The following FAF1 variants were observed in gnomAD, a reference collection of about 807,000 sequenced individuals.
The protein encoded by FAF1 is FAS-associated factor 1.
In FAF1, 25 loss-of-function variants were observed where a neutral mutation model predicts 92.5. That is an observed-to-expected ratio of 0.27 (90% CI 0.20 to 0.38). FAF1 has a LOEUF of 0.38. FAF1 is among the 10% of genes least tolerant of loss of function. FAF1 has a pLI of 1.00. For synonymous variants in FAF1, 234 were observed against 273.2 expected, an observed-to-expected ratio of 0.86 and a Z score of 1.42; for missense variants, 636 against 793.3, an observed-to-expected ratio of 0.80 and a Z score of 2.38.
intron 2 of FAF1, among the ~76,000 whole-genome samples, chr1:50,850,686 T>A (rs1256079587): frequency 3.3e-5 from 5 of 152,074 alleles, no homozygotes; most frequent in African/African-American, 1.2e-4. Context: ...CAGGTATAAG[T>A]AGGAAACAGA....
At chr1:50,783,981 C>G (rs1026701475) in intron 4 of FAF1, among the ~76,000 whole-genome samples, 11 of 152,118 alleles carry the variant, frequency 7.2e-5, no homozygotes, top group African/African-American at 2.7e-4. Flanking sequence ...AAGCTTTTGA[C>G]AGAAGTCAAC....
At chr1:50,697,367 A>G (rs1221306372) in intron 7 of FAF1, among the ~76,000 whole-genome samples, 1 of 152,218 alleles carries the variant, frequency 6.6e-6, no homozygotes, top group African/African-American at 2.4e-5. Context: ...TAGACATTAA[A>G]TAAGCCCAGA....
At chr1:50,813,614 C>G (rs1643938409) in intron 2 of FAF1, among the ~76,000 whole-genome samples, 1 of 152,130 alleles carries the variant, frequency 6.6e-6, no homozygotes, top group Non-Finnish European at 1.5e-5. Context: ...GCAAGCACCA[C>G]CATGCCCAAC....
chr1:50,812,174 C>G (rs1199116594), intron 2 of FAF1, among the ~76,000 whole-genome samples: 1 of 152,070 alleles, frequency 6.6e-6, no homozygotes, highest in East Asian at 1.9e-4. Context: ...ACGCCAAAAG[C>G]AACTGCAACA....
intron 13 of FAF1, among the ~76,000 whole-genome samples, chr1:50,563,547 A>G (rs1028796503): frequency 6.6e-6 from 1 of 152,174 alleles, no homozygotes; most frequent in Non-Finnish European, 1.5e-5. Flanking sequence ...ACTGTACAAT[A>G]TTTTCCAAGG....
chr1:50,558,254 A>T (rs1649691021), intron 13 of FAF1, among the ~76,000 whole-genome samples: 1 of 141,886 alleles, frequency 7.0e-6, no homozygotes, highest in Non-Finnish European at 1.5e-5. Flanking sequence ...TAAGATATTT[A>T]TCTTATTTTT....
chr1:50,794,789 A>ATTTTTTTTT (rs59806816), intron 3 of FAF1, among the ~76,000 whole-genome samples: 5 of 123,488 alleles, frequency 4.0e-5, no homozygotes, highest in Admixed American at 8.4e-5. Context: ...TCACCCAGCT[A>ATTTTTTTTT]TTTTTTTTTT....
At chr1:50,495,521 T>C (rs1646887718) in intron 15 of FAF1, among the ~76,000 whole-genome samples, 1 of 152,190 alleles carries the variant, frequency 6.6e-6, no homozygotes, top group African/African-American at 2.4e-5. Flanking sequence ...TGATGGACAT[T>C]TAGGTTGCTT....
intron 2 of FAF1, among the ~76,000 whole-genome samples, chr1:50,818,375 C>T (rs1191955193): frequency 1.4e-4 from 22 of 152,102 alleles, no homozygotes; most frequent in Admixed American, 1.4e-3. Context: ...TAAAGTTAAG[C>T]TGTATTCCCA....
chr1:50,558,040 A>C (rs1306417406), intron 13 of FAF1, among the ~76,000 whole-genome samples: 2 of 151,904 alleles, frequency 1.3e-5, no homozygotes, highest in Non-Finnish European at 2.9e-5. Flanking sequence ...CTGGGACTAC[A>C]GGCATGTGCC....
intron 4 of FAF1, among the ~76,000 whole-genome samples, chr1:50,748,231 C>T (rs1455497575): frequency 6.6e-6 from 1 of 152,172 alleles, no homozygotes; most frequent in Non-Finnish European, 1.5e-5. Flanking sequence ...CGTGGTGGCT[C>T]ATGCCTGTAA....
intron 18 of FAF1, among the ~76,000 whole-genome samples, chr1:50,453,855 A>C (rs1646322459): frequency 6.6e-6 from 1 of 152,146 alleles, no homozygotes; most frequent in Admixed American, 6.5e-5. Flanking sequence ...ATATCCACAA[A>C]GGGTCAGGGC....
At chr1:50,545,372 G>A (rs1402818723) in intron 13 of FAF1, among the ~76,000 whole-genome samples, 2 of 151,970 alleles carry the variant, frequency 1.3e-5, no homozygotes, top group Non-Finnish European at 2.9e-5. Flanking sequence ...CCTCCCGAGT[G>A]ATTCTCCTGC....
chr1:50,664,710 C>T (rs1357479375), intron 7 of FAF1, among the ~76,000 whole-genome samples: 1 of 152,208 alleles, frequency 6.6e-6, no homozygotes, highest in East Asian at 1.9e-4. Flanking sequence ...GGGAGAATAG[C>T]GTGAACCCAG....
At chr1:50,458,699 G>A (rs1004830604) in intron 18 of FAF1, among the ~76,000 whole-genome samples, 2 of 152,188 alleles carry the variant, frequency 1.3e-5, no homozygotes, top group Non-Finnish European at 2.9e-5. Context: ...TATGTCTGTG[G>A]TTTAGCAACT....
At chr1:50,534,482 C>T (rs139977218) in intron 15 of FAF1, among the ~76,000 whole-genome samples, 10,922 of 152,096 alleles carry the variant, frequency 0.072, 430 homozygotes, top group African/African-American at 0.1. Flanking sequence ...GGGGTTTCAC[C>T]ATGTTGGCCA....
chr1:50,620,773 G>A (rs907927922), intron 8 of FAF1, among the ~76,000 whole-genome samples: 31 of 152,256 alleles, frequency 2.0e-4, no homozygotes, highest in Admixed American at 2.0e-3. Context: ...AAGAGTAATG[G>A]CCAGTAGCTA....
At chr1:50,865,137 G>A (rs907533068) in intron 1 of FAF1, among the ~76,000 whole-genome samples, 22 of 152,140 alleles carry the variant, frequency 1.4e-4, no homozygotes, top group African/African-American at 2.4e-5. Context: ...ACCACAATGA[G>A]TTACCATCTC....
chr1:50,705,932 C>T (rs773605652), intron 6 of FAF1, 41 bp from the exon 7 acceptor site: 4 of 1,249,838 alleles, frequency 3.2e-6, no homozygotes, highest in Non-Finnish European at 4.7e-6. Flanking sequence ...CAGAGATGAA[C>T]AAGTTCTAGC....
Sources: allele counts gnomAD v4.1 joint callset (sites outside exome capture counted in the v4.1 genomes callset), GRCh38; gene constraint gnomAD v4.1.1; transcripts MANE v1.5; gene names NCBI Gene and HGNC (gene_info 2026-07-23, HGNC 2026-07-21).